SLC17A1: variants seen among roughly 807,000 people sequenced by gnomAD.
The protein encoded by SLC17A1 is sodium-dependent phosphate transport protein 1.
In SLC17A1, 51 loss-of-function variants were observed where a neutral mutation model predicts 53.5. That is an observed-to-expected ratio of 0.95 (90% CI 0.76 to 1.20). The LOEUF (loss-of-function observed/expected upper bound fraction) is 1.20, where lower values mean the gene tolerates loss of function less well. SLC17A1 is among the 50% of genes most tolerant of loss of function. The pLI, the probability that SLC17A1 is intolerant of heterozygous loss-of-function variation, is 0.00. For missense variants in SLC17A1, 538 were observed against 568.2 expected, an observed-to-expected ratio of 0.95 and a Z score of 0.54; for synonymous variants, 179 against 198.8, an observed-to-expected ratio of 0.90 and a Z score of 0.84.
intron 10 of SLC17A1, among the ~76,000 whole-genome samples, chr6:25,808,020 T>C (rs1348728996): frequency 6.6e-6 from 1 of 152,186 alleles, no homozygotes. Context: ...ATTCTACTTC[T>C]AGTTCTTTAA....
rs1764218920 is a variant in SLC17A1, at chr6:25,813,150, T to G, written c.680A>C (p.His227Pro). 6.2e-7 allele frequency: 1 copy of G among 1,614,138 alleles called. No homozygotes were observed. Among genetic ancestry groups the G allele is most frequent in the Non-Finnish European group, 8.5e-7 (1 of 1,180,020 alleles). ...CTTTTCACTGATGCTTATACATGGG[T>G]GGTCTTTGGGGTCATCATAAAACAG... ...FVLFYDDPKD[H>P]PCISISEKEY... The change falls in exon 7 of 13, where the codon CAC becomes CCC. Residue 227 changes from histidine to proline, a missense_variant. His to Pro is a moderately conservative substitution (Grantham distance 77, BLOSUM62 -2). Coordinates refer to ENST00000244527, the MANE Select transcript of SLC17A1 (RefSeq NM_005074.5).
chr6:25,820,930 A>C (rs1416809522), intron 3 of SLC17A1, among the ~76,000 whole-genome samples: 1 of 151,486 alleles, frequency 6.6e-6, no homozygotes, highest in Non-Finnish European at 1.5e-5. Context: ...ATGATAAAAG[A>C]AAATCCTAAT....
the SLC17A1 span, among the ~76,000 whole-genome samples, chr6:25,730,346 T>C: frequency 6.6e-6 from 1 of 152,128 alleles, no homozygotes; most frequent in South Asian, 2.1e-4. Context: ...GAAAAAGAAT[T>C]CTGTCATTGG....
intron 12 of SLC17A1, among the ~76,000 whole-genome samples, chr6:25,791,427 T>G (rs913408785): frequency 9.2e-5 from 14 of 152,192 alleles, no homozygotes; most frequent in African/African-American, 3.4e-4. Flanking sequence ...GATATTAAAC[T>G]AAAACTAAAT....
At chr6:25,769,999 C>T in the SLC17A1 span, 1 of 1,446,828 alleles carries the variant, frequency 6.9e-7, no homozygotes. Context: ...TTTTGCCTCT[C>T]AAGTCCTCAC....
chr6:25,726,539 A>AT, the SLC17A1 span: 1 of 1,599,272 alleles, frequency 6.3e-7, no homozygotes, highest in Non-Finnish European at 8.5e-7. Flanking sequence ...TCCTCGCATC[A>AT]AATTGCAGCA....
At chr6:25,745,539 G>T in the SLC17A1 span, among the ~76,000 whole-genome samples, 1 of 152,140 alleles carries the variant, frequency 6.6e-6, no homozygotes, top group South Asian at 2.1e-4. Context: ...AAATTCACAC[G>T]TTTCCCAATG....
In SLC17A1 at chr6:25,820,168, A is replaced by G. The variant is rs189821544; in HGVS notation, c.208-253T>C. On this transcript the variant is annotated intron_variant, in intron 3 of 12. Transcript: ENST00000244527. ...TGTACCTCCCTCCAGTACCTTTCACAGCATAGACATTTAATGCTTGTTTCT... is the reference window on the plus strand; with the variant it reads ...TGTACCTCCCTCCAGTACCTTTCACGGCATAGACATTTAATGCTTGTTTCT... Among the ~76,000 whole-genome samples, 3 of 152,336 alleles carry G rather than the reference A, an allele frequency of 2.0e-5. No homozygotes were observed. In the East Asian group the frequency reaches 5.8e-4, roughly 29 times the overall value.
intron 12 of SLC17A1, among the ~76,000 whole-genome samples, chr6:25,789,661 C>T (rs544370640): frequency 9.9e-5 from 15 of 151,948 alleles, no homozygotes; most frequent in African/African-American, 3.6e-4. Context: ...CATGTGAAAA[C>T]ATCAAAGAAA....
the SLC17A1 span, chr6:25,777,869 G>A: frequency 6.4e-5 from 93 of 1,444,860 alleles, no homozygotes; most frequent in African/African-American, 1.2e-3. Flanking sequence ...CCCGGGTATT[G>A]AGACTTTCAA....
At chr6:25,726,318 C>T in the SLC17A1 span, 42 of 1,613,980 alleles carry the variant, frequency 2.6e-5, no homozygotes, top group Admixed American at 1.0e-4. Context: ...TATCGCGAGA[C>T]GCATTGCCTG....
rs1361200062 is a variant in SLC17A1, at chr6:25,811,457, A to T, written c.1119T>A (p.Gly373=). The T allele has an allele frequency of 3.1e-6, 5 of 1,613,900 alleles. No homozygotes were observed. The highest frequency in any genetic ancestry group is 4.2e-6 in the Non-Finnish European group (5 of 1,179,916). ...YSIVIFLILA[G]ATGSFCLGGV... is the part of the protein sequence containing the mutation. ...CACCCAAGCAAAAGCTGCCTGTTGC[A>T]CCAGCAAGTATTAGGAAAATGACAA... The change falls in exon 10 of 13, where the codon GGT becomes GGA. Residue 373 remains glycine (G), a synonymous_variant. Transcript: ENST00000244527.
chr6:25,830,914 A>T (rs959842638), intron 1 of SLC17A1, among the ~76,000 whole-genome samples: 1 of 152,254 alleles, frequency 6.6e-6, no homozygotes, highest in African/African-American at 2.4e-5. Context: ...CATTGCCAGT[A>T]GACCTGCCCT....
chr6:25,790,655 C>A (rs1163028931), intron 12 of SLC17A1, among the ~76,000 whole-genome samples: 1 of 151,988 alleles, frequency 6.6e-6, no homozygotes. Context: ...TTTAACAAAA[C>A]TCAATTTCTA....
chr6:25,802,039 C>T (rs915509596), intron 10 of SLC17A1, among the ~76,000 whole-genome samples: 1 of 152,094 alleles, frequency 6.6e-6, no homozygotes, highest in Non-Finnish European at 1.5e-5. Context: ...CAATAGAACC[C>T]CTGGAGTTTA....
chr6:25,768,849 C>A, the SLC17A1 span: 1 of 809,034 alleles, frequency 1.2e-6, no homozygotes, highest in Non-Finnish European at 2.0e-6. Flanking sequence ...AATTCCACTA[C>A]ACACCTACAG....
intron 6 of SLC17A1, among the ~76,000 whole-genome samples, chr6:25,816,930 C>T (rs1215202921): frequency 2.0e-5 from 3 of 148,580 alleles, no homozygotes; most frequent in Non-Finnish European, 3.0e-5. Flanking sequence ...TCACTGCAAA[C>T]TCTGCCTCCC....
chr6:25,807,855 T>G (rs1412250477), intron 10 of SLC17A1, among the ~76,000 whole-genome samples: 1 of 152,154 alleles, frequency 6.6e-6, no homozygotes, highest in Non-Finnish European at 1.5e-5. Flanking sequence ...ATTTTCTTTA[T>G]CTACTTACTG....
intron 2 of SLC17A1, 31 bp from the exon 3 acceptor site, chr6:25,826,664 T>G (rs770919950): frequency 2.0e-6 from 3 of 1,500,474 alleles, no homozygotes; most frequent in Non-Finnish European, 2.7e-6. Flanking sequence ...TCGCAATTGC[T>G]GACAGAGCTG....
Sources: gnomAD v4.1 joint callset for allele counts (sites outside exome capture counted in the v4.1 genomes callset) on GRCh38, gnomAD v4.1.1 for gene constraint, MANE v1.5 for transcripts, NCBI Gene and HGNC (gene_info 2026-07-23, HGNC 2026-07-21) for gene names.